SACS: variants seen among roughly 807,000 people sequenced by gnomAD.
The protein encoded by SACS is sacsin molecular chaperone.
Under a neutral mutation model 348.0 loss-of-function variants are expected in SACS, and 197 were observed. The observed-to-expected ratio is 0.57, with a 90% CI of 0.50 to 0.64. The LOEUF (loss-of-function observed/expected upper bound fraction) is 0.64, where lower values mean the gene tolerates loss of function less well. Ranked by LOEUF, SACS falls within the 30% of genes least tolerant of loss-of-function variation. SACS has a pLI of 0.00. For synonymous variants in SACS, 1,985 were observed against 1,910.6 expected (o/e 1.04, Z -1.02); for missense variants, 4,999 against 5,360.8 (o/e 0.93, Z 2.11).
In SACS at chr13:23,335,346, C is replaced by A; in HGVS notation, c.8530G>T (p.Asp2844Tyr). The change falls in exon 10 of 10, where the codon GAT becomes TAT. Residue 2844 changes from aspartate to tyrosine, a missense_variant. Asp to Tyr is a radical substitution (Grantham distance 160, BLOSUM62 -3). Coordinates refer to ENST00000382292, the MANE Select transcript of SACS (RefSeq NM_014363.6). This position sits in a 1 kb window ranked among gnomAD's most constrained non-coding sequence, Gnocchi z 4.7. ...KSVISAHKNQ[D>Y]ITLFPRGGVA... Reference sequence around the variant, plus strand: ...CCACCACGTGGGAAAAGAGTAATATCTTGGTTCTTGTGAGCTGATATGACA... The same window carrying A: ...CCACCACGTGGGAAAAGAGTAATATATTGGTTCTTGTGAGCTGATATGACA... 6.2e-7 allele frequency: 1 copy of A among 1,613,908 alleles called. No homozygotes were observed. Among genetic ancestry groups the A allele is most frequent in the South Asian group, 1.1e-5 (1 of 91,078 alleles).
In SACS at chr13:23,333,929, T is replaced by G. The variant is rs775506976; in HGVS notation, c.9947A>C (p.Gln3316Pro). 3.2e-5 allele frequency: 52 copies of G among 1,613,862 alleles called. No homozygotes were observed. The highest frequency in any genetic ancestry group is 4.2e-5 in the Non-Finnish European group (50 of 1,179,838). Residue 3316 changes from glutamine to proline, a missense_variant, in exon 10 of 10, where the codon CAG becomes CCG. By Grantham distance (76) the Gln-to-Pro change is moderately conservative. Transcript: ENST00000382292. The part of the protein sequence containing the change: ...LMHIAVFPNA[Q>P]SDKVFHALMK... ...TAGAGCATGAAAAACTTTATCACTC[T>G]GGGCATTTGGAAAAACTGCAATGTG...
intron 5 of SACS, among the ~76,000 whole-genome samples, chr13:23,366,621 TC>T (rs1268910269): frequency 6.6e-6 from 1 of 152,234 alleles, no homozygotes; most frequent in Non-Finnish European, 1.5e-5. Context: ...GACCTTGTTT[TC>T]ATTCAGGTAT....
At chr13:23,408,620 A>T (rs769961915) in intron 2 of SACS, among the ~76,000 whole-genome samples, 1 of 152,106 alleles carries the variant, frequency 6.6e-6, no homozygotes, top group Non-Finnish European at 1.5e-5. Context: ...CCACCCTCAC[A>T]CACAACTATG....
Position 23,333,204 on chromosome 13 carries a change from T to A in SACS, c.10672A>T (p.Ile3558Phe). The A allele has an allele frequency of 3.1e-6, 5 of 1,598,464 alleles. No individual in the cohort carries two copies. Among genetic ancestry groups the A allele is most frequent in the Non-Finnish European group, 4.3e-6 (5 of 1,173,590 alleles). Residue 3558 changes from isoleucine to phenylalanine, a missense_variant, in exon 10 of 10, where the codon ATT becomes TTT. This residue lies in a region of SACS where 831 missense variants were observed against 941.8 expected (regional missense o/e 0.88). Transcript: ENST00000382292. ...FEVMLPEKLFIPNDFFKKLEQ... is the reference protein window; with the variant it reads ...FEVMLPEKLFFPNDFFKKLEQ... ...AATTTCTTAAAGAAATCATTAGGAA[T>A]AAACAATTTTTCAGGAAGCATAACT...
intron 4 of SACS, among the ~76,000 whole-genome samples, chr13:23,370,401 A>G (rs890018103): frequency 6.6e-6 from 1 of 152,156 alleles, no homozygotes; most frequent in Non-Finnish European, 1.5e-5. Flanking sequence ...AAACTTATCC[A>G]TCATCTCCAA....
At position 23,337,208 on chromosome 13, in the gene SACS, G is replaced by A; in HGVS notation, c.6668C>T (p.Ala2223Val). 1 of 1,613,930 alleles carries A rather than the reference G, an allele frequency of 6.2e-7. No homozygotes were observed. Among genetic ancestry groups the A allele is most frequent in the Non-Finnish European group, 8.5e-7 (1 of 1,179,900 alleles). Residue 2223 changes from alanine (A) to valine (V), a missense_variant, in exon 10 of 10, where the codon GCA becomes GTA. Around this residue, in one of 6 missense-constraint regions of SACS, gnomAD observed 3,156 missense variants for 3,380.1 expected, o/e 0.93. Transcript: ENST00000382292. ...IRFLPFLTKP[A>V]GFSLDWKGNS... is the part of the protein sequence containing the mutation. ...GCCTTTCCAGTCCAAAGAAAAACCT[G>A]CTGGTTTTGTCAGAAATGGAAGGAA...
At chr13:23,410,644 CACAT>C (rs1873442241) in intron 2 of SACS, among the ~76,000 whole-genome samples, 1 of 151,866 alleles carries the variant, frequency 6.6e-6, no homozygotes, top group Admixed American at 6.6e-5. Flanking sequence ...AAAAAAGAAG[CACAT>C]ACAGAAATTT....
intron 2 of SACS, among the ~76,000 whole-genome samples, chr13:23,380,840 C>T (rs1224073708): frequency 1.3e-5 from 2 of 152,108 alleles, no homozygotes; most frequent in Non-Finnish European, 2.9e-5. Context: ...AAAGATGACC[C>T]GAGGGGACAT....
At chr13:23,426,730 C>T (rs7490168) in intron 1 of SACS, among the ~76,000 whole-genome samples, 122,172 of 151,540 alleles carry the variant, frequency 0.81, 49,401 homozygotes, top group East Asian at 0.93. Context: ...GTGAGTCAGA[C>T]AGGTGATACA....
In SACS at chr13:23,358,468, A is replaced by G. The variant is rs1870532642; in HGVS notation, c.471T>C (p.Tyr157=). The G allele has an allele frequency of 4.3e-6, 7 of 1,614,166 alleles. No homozygotes were observed. Among genetic ancestry groups the G allele is most frequent in the Non-Finnish European group, 5.9e-6 (7 of 1,180,028 alleles). ...DMAPYQGPAL[Y]VYNNAVFTPE... ...GGGTGAAAACCGCGTTGTTGTACAC[A>G]TAGAGAGCTGGCCCTAGGTGTGAAA... is the stretch of plus-strand genomic sequence containing the variant. Residue 157 remains tyrosine, a synonymous_variant, in exon 7 of 10, where the codon TAT becomes TAC. Coordinates refer to ENST00000382292, the MANE Select transcript of SACS (RefSeq NM_014363.6).
rs1273031983 is a variant in SACS at position 23,332,121 on chromosome 13, ACTTTACC to A, written c.11748_11754del (p.Leu3916PhefsTer5). On this transcript the variant is annotated frameshift_variant, in exon 10 of 10. Coordinates refer to ENST00000382292, the MANE Select transcript of SACS (RefSeq NM_014363.6). LOFTEE classifies it high-confidence loss of function. ...GCATCGTCAAACACTAAGATGCTTG[ACTTTACC>A]AATCTACCATCCTGGCTTGGGAGGT... 1 of 1,614,064 alleles carries A rather than the reference ACTTTACC, an allele frequency of 6.2e-7. No individual in the cohort carries two copies. The highest frequency in any genetic ancestry group is 1.1e-5 in the South Asian group (1 of 91,070).
intron 2 of SACS, among the ~76,000 whole-genome samples, chr13:23,396,089 C>T (rs753992231): frequency 1.3e-5 from 2 of 151,996 alleles, no homozygotes; most frequent in African/African-American, 2.4e-5. Context: ...TTTGGGAGGC[C>T]GAGGTGGACA....
rs149698603 is a variant in SACS, at chr13:23,382,176, C to T, written c.21-6907G>A. ...TTTTTGTTTTTTGTTTTTTTTGAGA[C>T]GGAGTCTCGCTTTGTTGCCCAGGCT... On this transcript the variant is annotated intron_variant, in intron 2 of 9. Coordinates refer to ENST00000382292, the MANE Select transcript of SACS (RefSeq NM_014363.6). Among the ~76,000 whole-genome samples the T allele has an allele frequency of 7.6e-3, 1,153 of 152,210 alleles. 18 individuals carry two copies. The highest frequency in any genetic ancestry group is 0.026 in the African/African-American group (1,069 of 41,528).
In SACS at chr13:23,375,283, A is replaced by C; in HGVS notation, c.21-14T>G. On this transcript the variant is annotated splice_polypyrimidine_tract_variant and intron_variant, in intron 2 of 9. Transcript: ENST00000382292. The stretch of plus-strand genomic sequence containing the variant: ...ACCGGGACCCACCTGTGGAAAGCAG[A>C]GGGACGCTCAGTCGGGCTGCGGCTG... The C allele has an allele frequency of 9.8e-6, 14 of 1,434,838 alleles. No individual in the cohort carries two copies. Among genetic ancestry groups the C allele is most frequent in the Non-Finnish European group, 1.3e-5 (14 of 1,086,302 alleles). The allele number at this position is 1,434,838 out of a possible 1,614,324, so 88.9% of individuals were successfully genotyped here. A position where few individuals can be genotyped will look rare whatever the true frequency, so the allele number is the denominator to read the frequency against.
intron 2 of SACS, among the ~76,000 whole-genome samples, chr13:23,388,401 G>T (rs1055339807): frequency 2.5e-4 from 28 of 113,136 alleles, no homozygotes; most frequent in African/African-American, 8.4e-4. Context: ...CCAATGAGTG[G>T]ATTTAAAAAA....
chr13:23,389,118 G>A (rs897545709), intron 2 of SACS, among the ~76,000 whole-genome samples: 1 of 151,958 alleles, frequency 6.6e-6, no homozygotes, highest in African/African-American at 2.4e-5. Flanking sequence ...ACACCCATCT[G>A]TTAATTACTC....
intron 2 of SACS, among the ~76,000 whole-genome samples, chr13:23,387,694 C>CT (rs1173799347): frequency 5.9e-5 from 9 of 152,034 alleles, no homozygotes; most frequent in Admixed American, 5.9e-4. Context: ...TCAGGTGATG[C>CT]AGCTTCTGTG....
intron 9 of SACS, among the ~76,000 whole-genome samples, chr13:23,344,037 C>G (rs1761328702): frequency 1.3e-5 from 2 of 152,182 alleles, no homozygotes; most frequent in South Asian, 4.1e-4. Context: ...TTGTCAGCAG[C>G]TTGACTAGTA....
intron 2 of SACS, among the ~76,000 whole-genome samples, chr13:23,409,086 T>C (rs1179145489): frequency 2.0e-5 from 2 of 100,648 alleles, no homozygotes; most frequent in African/African-American, 7.7e-5. Flanking sequence ...GGAGTCTTCC[T>C]GTGTGGCCCA....
Sources: allele counts gnomAD v4.1 joint callset (sites outside exome capture counted in the v4.1 genomes callset), GRCh38; gene constraint gnomAD v4.1.1; regional missense constraint gnomAD v4.1.1; non-coding constraint Gnocchi (gnomAD v3.1); transcripts MANE v1.5; gene names NCBI Gene and HGNC (gene_info 2026-07-23, HGNC 2026-07-21).